TRPM3: variants seen among roughly 807,000 people sequenced by gnomAD.
TRPM3 encodes long transient receptor potential channel 3.
In TRPM3, 77 loss-of-function variants were observed where a neutral mutation model predicts 181.2. The observed-to-expected ratio is 0.42, with a 90% CI of 0.35 to 0.51. The LOEUF is 0.51. Ranked by LOEUF, TRPM3 falls within the 20% of genes least tolerant of loss-of-function variation. The pLI is 0.01. For missense variants in TRPM3, 1,759 were observed against 2,196.7 expected (o/e 0.80, Z 3.98); for synonymous variants, 745 against 796.4 (o/e 0.94, Z 1.09).
At chr9:70,779,537 C>T (rs1427936349) in intron 7 of TRPM3, among the ~76,000 whole-genome samples, 2 of 152,130 alleles carry the variant, frequency 1.3e-5, no homozygotes, top group Non-Finnish European at 2.9e-5. Flanking sequence ...CATTTCTCTG[C>T]AGTCTGACAC....
intron 1 of TRPM3, among the ~76,000 whole-genome samples, chr9:71,038,724 A>G (rs2058491129): frequency 6.6e-6 from 1 of 152,202 alleles, no homozygotes; most frequent in South Asian, 2.1e-4. Flanking sequence ...TTACAGTCCA[A>G]TAGGGCACAT....
At chr9:70,776,166 C>A (rs2081316953) in intron 7 of TRPM3, 2 of 303,116 alleles carry the variant, frequency 6.6e-6, no homozygotes, top group Non-Finnish European at 1.2e-5. Flanking sequence ...ACAGAGTAAA[C>A]CCGCACCTTG....
chr9:70,790,860 A>C (rs1161728169), intron 6 of TRPM3, among the ~76,000 whole-genome samples: 1 of 152,214 alleles, frequency 6.6e-6, no homozygotes, highest in African/African-American at 2.4e-5. Flanking sequence ...ATTCAGGTAC[A>C]ACTGTGGAAA....
chr9:71,216,704 G>A (rs2079888385), intron 1 of TRPM3, among the ~76,000 whole-genome samples: 1 of 152,140 alleles, frequency 6.6e-6, no homozygotes, highest in South Asian at 2.1e-4. Context: ...TTCTTTTAGA[G>A]AAGGGATGAA....
chr9:70,941,020 T>C (rs568206594), intron 1 of TRPM3, among the ~76,000 whole-genome samples: 2 of 152,358 alleles, frequency 1.3e-5, no homozygotes, highest in Non-Finnish European at 2.9e-5. Context: ...TGAAAATCAC[T>C]GTGTGGTGTG....
chr9:71,387,748 A>G (rs182968790), intron 1 of TRPM3, among the ~76,000 whole-genome samples: 134 of 152,280 alleles, frequency 8.8e-4, no homozygotes, highest in African/African-American at 3.0e-3. Flanking sequence ...TACCTCCATT[A>G]TTAGTTAATT....
chr9:70,589,515 A>T (rs7865858), intron 22 of TRPM3, among the ~76,000 whole-genome samples: 1 of 152,024 alleles, frequency 6.6e-6, no homozygotes, highest in African/African-American at 2.4e-5. Context: ...AGCACATTTA[A>T]TCTCTGAGGA....
chr9:71,239,816 A>G (rs1033712583), intron 1 of TRPM3, among the ~76,000 whole-genome samples: 1 of 152,158 alleles, frequency 6.6e-6, no homozygotes. Flanking sequence ...ACATGCTTTC[A>G]TGTAAGTTAT....
chr9:70,664,262 T>C (rs2061506176), intron 9 of TRPM3, among the ~76,000 whole-genome samples: 1 of 152,166 alleles, frequency 6.6e-6, no homozygotes, highest in African/African-American at 2.4e-5. Context: ...AAATCCCTAA[T>C]TTTTCAGAAT....
intron 1 of TRPM3, among the ~76,000 whole-genome samples, chr9:71,087,883 T>C (rs888558521): frequency 3.9e-5 from 6 of 152,132 alleles, no homozygotes; most frequent in Admixed American, 3.9e-4. Flanking sequence ...CAATTAAGTA[T>C]TAGAAGTTCA....
chr9:71,198,439 T>C (rs1387367598), intron 1 of TRPM3, among the ~76,000 whole-genome samples: 3 of 152,176 alleles, frequency 2.0e-5, no homozygotes, highest in Non-Finnish European at 2.9e-5. Flanking sequence ...GGGGATGGCA[T>C]TAAATCTATA....
At chr9:70,921,942 A>AACACACACACACAC (rs71367238) in intron 1 of TRPM3, among the ~76,000 whole-genome samples, 1,969 of 139,430 alleles carry the variant, frequency 0.014, 41 homozygotes, top group African/African-American at 0.044. Context: ...CACACAAACA[A>AACACACACACACAC]ACACACACAC....
At position 71,155,739 on chromosome 9, in the gene TRPM3, G is replaced by A. The variant is rs116640645; in HGVS notation, c.183+290914C>T. 1.7e-3 allele frequency among the ~76,000 whole-genome samples: 255 copies of A among 152,078 alleles called. 3 individuals carry two copies. Among genetic ancestry groups the A allele is most frequent in the African/African-American group, 5.4e-3 (226 of 41,502 alleles). ...ACATTATTTACATCTTAGCAAAGAT[G>A]CCAACAATACACAAGTAAAATAACA... On this transcript the variant is annotated intron_variant, in intron 1 of 24. Transcript: ENST00000357533.
intron 1 of TRPM3, among the ~76,000 whole-genome samples, chr9:71,088,608 C>G (rs2065675667): frequency 6.6e-6 from 1 of 152,050 alleles, no homozygotes; most frequent in Non-Finnish European, 1.5e-5. Flanking sequence ...CCAAAACTGT[C>G]TGTGCCTACC....
At chr9:71,143,631 A>G (rs894099058) in intron 1 of TRPM3, among the ~76,000 whole-genome samples, 2 of 152,138 alleles carry the variant, frequency 1.3e-5, no homozygotes, top group Non-Finnish European at 2.9e-5. Flanking sequence ...GCTATTGTGA[A>G]TAGTGCTGCA....
chr9:70,814,754 A>C lies in TRPM3; in HGVS notation c.973+13093T>G, dbSNP rs149274964. ...TCAAACACAGCTGTGGGGGCACTTGACCCACAGGTCAAGAATGATATCCAT... is the reference window on the plus strand; with the variant it reads ...TCAAACACAGCTGTGGGGGCACTTGCCCCACAGGTCAAGAATGATATCCAT... On this transcript the variant is annotated intron_variant, in intron 6 of 25. Transcript: ENST00000677713. Among the ~76,000 whole-genome samples, 216 of 152,146 alleles carry C rather than the reference A, an allele frequency of 1.4e-3. 1 individual carries two copies. Among genetic ancestry groups the C allele is most frequent in the African/African-American group, 5.0e-3 (207 of 41,526 alleles).
At chr9:71,026,204 T>C (rs1301875892) in intron 1 of TRPM3, among the ~76,000 whole-genome samples, 1 of 152,128 alleles carries the variant, frequency 6.6e-6, no homozygotes, top group Non-Finnish European at 1.5e-5. Flanking sequence ...ACTTTAGCCC[T>C]AGGGGATCTG....
chr9:71,347,302 T>G (rs1452905529), intron 1 of TRPM3, among the ~76,000 whole-genome samples: 1 of 152,188 alleles, frequency 6.6e-6, no homozygotes, highest in Non-Finnish European at 1.5e-5. Flanking sequence ...CTTAGAACCC[T>G]TTCATCAGTA....
intron 1 of TRPM3, among the ~76,000 whole-genome samples, chr9:71,436,802 T>G (rs1215967922): frequency 1.3e-5 from 2 of 152,200 alleles, no homozygotes; most frequent in Non-Finnish European, 2.9e-5. Flanking sequence ...CATGTCATAC[T>G]TCCGTACTAC....
Sources: gnomAD v4.1 joint callset for allele counts (sites outside exome capture counted in the v4.1 genomes callset) on GRCh38, gnomAD v4.1.1 for gene constraint, MANE v1.5 for transcripts, NCBI Gene and HGNC (gene_info 2026-07-23, HGNC 2026-07-21) for gene names.